Variants in NPHP1 observed in about 807,000 individuals in gnomAD.
NPHP1 encodes nephrocystin 1.
NPHP1 carries 70 observed loss-of-function variants against 90.4 expected under a neutral mutation model. The observed-to-expected ratio is 0.77, with a 90% CI of 0.64 to 0.95. The LOEUF (loss-of-function observed/expected upper bound fraction) is 0.95, where lower values mean the gene tolerates loss of function less well. Among genes scored for constraint, NPHP1 ranks in the 40% least tolerant of loss-of-function variants. The pLI is 0.00. For missense variants in NPHP1, 764 were observed against 795.9 expected (o/e 0.96, Z 0.48); for synonymous variants, 256 against 271.7 (o/e 0.94, Z 0.57).
At chr2:110,190,853 G>A (rs1436833477) in intron 2 of NPHP1, among the ~76,000 whole-genome samples, 2 of 151,896 alleles carry the variant, frequency 1.3e-5, no homozygotes, top group African/African-American at 4.8e-5. Flanking sequence ...CTAAAAATAA[G>A]CAAATTTATA....
At chr2:110,191,320 A>G (rs938869311) in intron 2 of NPHP1, among the ~76,000 whole-genome samples, 1 of 152,108 alleles carries the variant, frequency 6.6e-6, no homozygotes, top group Non-Finnish European at 1.5e-5. Flanking sequence ...CCACCCTAAT[A>G]CTGCGCTTTT....
chr2:110,184,387 C>T (rs903376838), intron 2 of NPHP1: 32 of 616,530 alleles, frequency 5.2e-5, no homozygotes, highest in South Asian at 1.7e-4. Flanking sequence ...GTGCTCCTCA[C>T]TGAGGCACCT....
At chr2:110,155,612 C>T (rs1196732428) in intron 11 of NPHP1, among the ~76,000 whole-genome samples, 2 of 152,162 alleles carry the variant, frequency 1.3e-5, no homozygotes, top group South Asian at 2.1e-4. Context: ...GGATGTGAGA[C>T]ATGGAGTCAA....
intron 3 of NPHP1, chr2:110,178,915 T>G (rs1386541470): frequency 1.1e-5 from 2 of 177,860 alleles, no homozygotes; most frequent in Non-Finnish European, 2.4e-5. Context: ...GCTTCACCAC[T>G]GAGAGCTTCA....
chr2:110,201,292 T>G (rs950842276), intron 2 of NPHP1, 129 bp downstream of exon 2: 1 of 725,728 alleles, frequency 1.4e-6, no homozygotes, highest in African/African-American at 1.8e-5. Flanking sequence ...TGGTTTCTTC[T>G]ACATTCAACT....
chr2:110,163,253 G>A lies in NPHP1; in HGVS notation c.772-118C>T, dbSNP rs78967435. On this transcript the variant is annotated intron_variant, in intron 8 of 19. Transcript: ENST00000445609. ...GAAAAATATAAACATACAGACTTTA[G>A]TGGAAGAATAATACGATTTGGCCCC... 3,169 of 762,214 alleles carry A rather than the reference G, an allele frequency of 4.2e-3. 77 individuals are homozygous for A. The African/African-American group carries it at 0.047, about 11-fold the overall frequency. The allele number at this position is 762,214 out of a possible 1,614,324, so 47.2% of individuals were successfully genotyped here.
intron 11 of NPHP1, among the ~76,000 whole-genome samples, chr2:110,156,780 GT>G (rs59532714): frequency 0.072 from 9,976 of 139,218 alleles, 985 homozygotes; most frequent in African/African-American, 0.24. Flanking sequence ...TTTGGTTTCT[GT>G]TTTTTTTTTT....
chr2:110,165,051 C>T lies in NPHP1; in HGVS notation c.728+1G>A, dbSNP rs1351375842. ...TTTGATATCCTTTCCCACTTTTGTA[C>T]CTTTGCTTAACTTCTGCTCCATCTG... On this transcript the variant is annotated splice_donor_variant, in intron 7 of 19. Transcript: ENST00000445609. LOFTEE classifies it high-confidence loss of function. The T allele has an allele frequency of 1.2e-6, 2 of 1,610,118 alleles. No homozygotes were observed. Among genetic ancestry groups the T allele is most frequent in the East Asian group, 2.2e-5 (1 of 44,830 alleles).
chr2:110,150,243 A>G lies in NPHP1; in HGVS notation c.1097T>C (p.Ile366Thr), dbSNP rs2104505839. The G allele has an allele frequency of 1.2e-6, 2 of 1,613,912 alleles. No homozygotes were observed. Among genetic ancestry groups the G allele is most frequent in the Non-Finnish European group, 1.7e-6 (2 of 1,179,812 alleles). Reference protein sequence around the residue: ...LFDGNKVLSNIHTVRATWQPK... With the variant: ...LFDGNKVLSNTHTVRATWQPK... ...TTGCCATGTGGCTCTGACTGTATGA[A>G]TGTTGCTCAGAACCTGAAATGAGAT... is the stretch of plus-strand genomic sequence containing the variant. Residue 366 changes from isoleucine to threonine, a missense_variant, in exon 12 of 20, where the codon ATT (isoleucine) becomes ACT (threonine). Physicochemically the swap from Ile to Thr is moderately conservative, Grantham distance 89. Transcript: ENST00000445609.
At chr2:110,133,137 G>A (rs1053822313) in intron 16 of NPHP1, among the ~76,000 whole-genome samples, 3 of 151,928 alleles carry the variant, frequency 2.0e-5, no homozygotes, top group Non-Finnish European at 2.9e-5. Flanking sequence ...AAAAAAACAC[G>A]ATTTAATTAT....
chr2:110,124,882 A>G (rs758058738), intron 19 of NPHP1: 1 of 224,910 alleles, frequency 4.4e-6, no homozygotes. Flanking sequence ...TTGTTTCCTA[A>G]TTTTTAGGGT....
intron 2 of NPHP1, among the ~76,000 whole-genome samples, chr2:110,199,293 G>C (rs1317435358): frequency 6.6e-6 from 1 of 151,926 alleles, no homozygotes; most frequent in Non-Finnish European, 1.5e-5. Context: ...AATTAGCCGA[G>C]TGTGATGGCG....
Position 110,143,523 on chromosome 2 carries a change from G to A in NPHP1, c.1529+19C>T, listed in dbSNP as rs112090979. ...TGAATGATCCCAAATTCACTGGACAGGTAAAAGCAGGTACCCACCTTAGTA... is the reference window on the plus strand; with the variant it reads ...TGAATGATCCCAAATTCACTGGACAAGTAAAAGCAGGTACCCACCTTAGTA... On this transcript the variant is annotated intron_variant, in intron 16 of 19. Coordinates refer to ENST00000445609, the MANE Select transcript of NPHP1 (RefSeq NM_001128178.3). 0.013 allele frequency: 20,418 copies of A among 1,554,506 alleles called. 205 individuals carry two copies. The highest frequency in any genetic ancestry group is 0.015 in the Non-Finnish European group (17,311 of 1,125,598).
chr2:110,204,833 G>C, intron 1 of NPHP1, 67 bp downstream of exon 1: 21 of 1,531,018 alleles, frequency 1.4e-5, no homozygotes, highest in Non-Finnish European at 1.9e-5. Context: ...ACGGTGGGAA[G>C]GCGCAGTGCG....
At chr2:110,144,313 CAT>C (rs1680858403) in intron 15 of NPHP1, 178 bp downstream of exon 15, 1 of 596,218 alleles carries the variant, frequency 1.7e-6, no homozygotes, top group African/African-American at 1.9e-5. Flanking sequence ...CTTAGAGTCT[CAT>C]ATGTGTTACC....
At position 110,131,697 on chromosome 2, in the gene NPHP1, T is replaced by C; in HGVS notation, c.1624A>G (p.Met542Val). Reference sequence around the variant, plus strand: ...CACTTACCAGTACTTTGCAAGCTCATCCTGTCTTTCAGGAGCACATCTCCA... The same window carrying C: ...CACTTACCAGTACTTTGCAAGCTCACCCTGTCTTTCAGGAGCACATCTCCA... ...ILGDVLLKDRMSLQSTDLISH... is the reference protein window; with the variant it reads ...ILGDVLLKDRVSLQSTDLISH... Residue 542 changes from methionine to valine, a missense_variant, in exon 17 of 20, where the codon ATG (methionine) becomes GTG (valine). By Grantham distance (21) the Met-to-Val change is conservative. Transcript: ENST00000445609. 3 of 1,611,612 alleles carry C rather than the reference T, an allele frequency of 1.9e-6. No individual in the cohort carries two copies. The highest frequency in any genetic ancestry group is 2.5e-6 in the Non-Finnish European group (3 of 1,177,754).
intron 7 of NPHP1, 89 bp from the exon 8 acceptor site, chr2:110,164,819 CAGTA>C (rs937097015): frequency 2.3e-5 from 27 of 1,192,494 alleles, no homozygotes; most frequent in Middle Eastern, 1.9e-4. Flanking sequence ...TGATAATCAT[CAGTA>C]AGTTTTGAAA....
chr2:110,128,978 T>C (rs1391525627), intron 18 of NPHP1: 3 of 602,894 alleles, frequency 5.0e-6, no homozygotes, highest in Non-Finnish European at 9.0e-6. Flanking sequence ...TAGCAGGCAC[T>C]CCACCTGCTC....
At chr2:110,176,386 A>G (rs1021768089) in intron 4 of NPHP1, among the ~76,000 whole-genome samples, 2 of 152,036 alleles carry the variant, frequency 1.3e-5, no homozygotes, top group Non-Finnish European at 2.9e-5. Context: ...TGTATTAATC[A>G]TTTTATTTAG....
Sources: allele counts gnomAD v4.1 joint callset (sites outside exome capture counted in the v4.1 genomes callset), GRCh38; gene constraint gnomAD v4.1.1; transcripts MANE v1.5; gene names NCBI Gene and HGNC (gene_info 2026-07-23, HGNC 2026-07-21).